Variants in CSMD1 observed in about 807,000 individuals in gnomAD.
The protein encoded by CSMD1 is CUB and Sushi multiple domains 1, also known as CUB and sushi domain-containing protein 1.
A neutral mutation model predicts 417.5 loss-of-function variants in CSMD1; 213 were observed. The observed-to-expected ratio is 0.51, with a 90% confidence interval of 0.46 to 0.57. The LOEUF is 0.57. Ranked by LOEUF, CSMD1 falls within the 20% of genes least tolerant of loss-of-function variation. CSMD1 has a pLI of 0.00. For synonymous variants in CSMD1, 2,862 were observed against 1,736.8 expected, an observed-to-expected ratio of 1.65 and a Z score of -16.11; for missense variants, 6,923 against 4,529.7, an observed-to-expected ratio of 1.53 and a Z score of -15.17.
rs77964899 is a variant in CSMD1, at chr8:4,036,654, G to C, written c.416-4555C>G. On this transcript the variant is annotated intron_variant, in intron 3 of 69. Coordinates refer to ENST00000635120, the MANE Select transcript of CSMD1 (RefSeq NM_033225.6). ...TCAAAGAAAAAACTAGACATCAATG[G>C]AGAGCATGCCTGTTCTTTTCATGAA... 1.9e-4 allele frequency among the ~76,000 whole-genome samples: 29 copies of C among 152,294 alleles called. No homozygotes were observed. In the East Asian group the frequency reaches 5.6e-3, roughly 29 times the overall value.
intron 5 of CSMD1, among the ~76,000 whole-genome samples, chr8:3,911,303 T>TG (rs1296864011): frequency 1.3e-5 from 2 of 151,216 alleles, no homozygotes; most frequent in African/African-American, 4.9e-5. Context: ...CATAGATCCT[T>TG]TTTTTTTTCC....
intron 37 of CSMD1, among the ~76,000 whole-genome samples, chr8:3,176,586 C>A (rs1211168704): frequency 6.6e-6 from 1 of 152,102 alleles, no homozygotes; most frequent in East Asian, 1.9e-4. Flanking sequence ...ATTGTAAAAC[C>A]CCGTGAACTA....
rs759268228 is a variant in CSMD1, at chr8:4,530,314, C to CTTTTTTTTTTTTTTTTTTTTTTT, written c.302+107005_302+107027dup. On this transcript the variant is annotated intron_variant, in intron 2 of 69. Coordinates refer to ENST00000635120, the MANE Select transcript of CSMD1 (RefSeq NM_033225.6). ...TTCACAGTTTATCGTACAGGTAGTG[C>CTTTTTTTTTTTTTTTTTTTTTTT]TTTTTTTTTTTTTTTTTTTTTTTTT... Among the ~76,000 whole-genome samples, 6 of 46,686 alleles carry CTTTTTTTTTTTTTTTTTTTTTTT rather than the reference C, an allele frequency of 1.3e-4. 1 individual carries two copies. Among genetic ancestry groups the CTTTTTTTTTTTTTTTTTTTTTTT allele is most frequent in the East Asian group, 7.4e-4 (1 of 1,350 alleles). The allele number at this position is 46,686 out of a possible 152,430, so 30.6% of individuals were successfully genotyped here.
At chr8:2,992,193 AC>A (rs1267688021) in intron 54 of CSMD1, among the ~76,000 whole-genome samples, 8 of 89,782 alleles carry the variant, frequency 8.9e-5, no homozygotes, top group African/African-American at 8.3e-4. Flanking sequence ...ACACACATGC[AC>A]ACATACATAC....
At chr8:4,610,440 G>A (rs1801110378) in intron 2 of CSMD1, among the ~76,000 whole-genome samples, 1 of 152,144 alleles carries the variant, frequency 6.6e-6, no homozygotes, top group African/African-American at 2.4e-5. Flanking sequence ...TATTTCCAAA[G>A]GGGTCAGGTG....
At chr8:4,012,712 C>G (rs1322913264) in intron 4 of CSMD1, among the ~76,000 whole-genome samples, 1 of 152,182 alleles carries the variant, frequency 6.6e-6, no homozygotes, top group Non-Finnish European at 1.5e-5. Flanking sequence ...CATAGAATGT[C>G]TAAATAGCAA....
At chr8:3,660,511 T>A (rs1798359752) in intron 7 of CSMD1, among the ~76,000 whole-genome samples, 1 of 3,066 alleles carries the variant, frequency 3.3e-4, no homozygotes, top group Non-Finnish European at 9.1e-4. Flanking sequence ...TTTTTTTTTT[T>A]TTTTTTTTTT....
At chr8:4,735,677 C>A (rs1810186862) in intron 1 of CSMD1, among the ~76,000 whole-genome samples, 1 of 152,166 alleles carries the variant, frequency 6.6e-6, no homozygotes, top group Non-Finnish European at 1.5e-5. Flanking sequence ...ATGTGCCAGA[C>A]ACTTATTTGA....
intron 3 of CSMD1, among the ~76,000 whole-genome samples, chr8:4,035,782 T>C (rs1797584658): frequency 6.6e-6 from 1 of 152,150 alleles, no homozygotes; most frequent in Admixed American, 6.5e-5. Flanking sequence ...CTAAGCTTAA[T>C]TTATGATTAA....
intron 5 of CSMD1, among the ~76,000 whole-genome samples, chr8:3,892,998 T>C (rs1009412519): frequency 6.6e-6 from 1 of 151,860 alleles, no homozygotes; most frequent in Non-Finnish European, 1.5e-5. Flanking sequence ...ACAATCATGG[T>C]TCAGTTTTCA....
chr8:4,051,561 C>T (rs1042689692), intron 3 of CSMD1, among the ~76,000 whole-genome samples: 2 of 152,192 alleles, frequency 1.3e-5, no homozygotes, highest in East Asian at 3.9e-4. Context: ...CTCCAACAAT[C>T]AAGCAAACCT....
At chr8:3,453,675 G>C (rs573146983) in intron 12 of CSMD1, among the ~76,000 whole-genome samples, 1 of 152,302 alleles carries the variant, frequency 6.6e-6, no homozygotes. Flanking sequence ...TGGTCTGAGA[G>C]ACAGTTTGTT....
At chr8:4,167,972 AC>A (rs1304444101) in intron 3 of CSMD1, among the ~76,000 whole-genome samples, 1 of 151,976 alleles carries the variant, frequency 6.6e-6, no homozygotes, top group African/African-American at 2.4e-5. Context: ...TACTAAAAAT[AC>A]AAAAAATTAG....
intron 9 of CSMD1, among the ~76,000 whole-genome samples, chr8:3,575,897 G>C (rs1800132359): frequency 6.6e-6 from 1 of 151,582 alleles, no homozygotes; most frequent in African/African-American, 2.4e-5. Context: ...TGTCAGCAGA[G>C]ACTCTGGTTT....
intron 3 of CSMD1, among the ~76,000 whole-genome samples, chr8:4,068,654 A>G (rs1035108246): frequency 1.3e-5 from 2 of 152,214 alleles, no homozygotes; most frequent in Non-Finnish European, 2.9e-5. Context: ...TGAGTTTAAG[A>G]TAAAAAAAAT....
chr8:3,520,988 G>C (rs1037766185), intron 10 of CSMD1, among the ~76,000 whole-genome samples: 5 of 152,038 alleles, frequency 3.3e-5, no homozygotes, highest in African/African-American at 7.2e-5. Flanking sequence ...GCCCATCAAA[G>C]TCAAAGCCCT....
intron 26 of CSMD1, among the ~76,000 whole-genome samples, chr8:3,267,605 G>A (rs1426802122): frequency 6.6e-6 from 1 of 152,162 alleles, no homozygotes; most frequent in African/African-American, 2.4e-5. Flanking sequence ...GGATGGCATC[G>A]CTGCTGATAG....
chr8:4,434,954 T>A (rs1798072487), intron 2 of CSMD1, among the ~76,000 whole-genome samples: 1 of 152,138 alleles, frequency 6.6e-6, no homozygotes, highest in South Asian at 2.1e-4. Context: ...ACCAATTATT[T>A]CCTATAGAAA....
intron 10 of CSMD1, among the ~76,000 whole-genome samples, chr8:3,532,965 T>C (rs1344538539): frequency 6.6e-6 from 1 of 152,214 alleles, no homozygotes; most frequent in Non-Finnish European, 1.5e-5. Flanking sequence ...TAGAGTCTCA[T>C]ACAATCACCT....
Sources: allele counts gnomAD v4.1 joint callset (sites outside exome capture counted in the v4.1 genomes callset), GRCh38; gene constraint gnomAD v4.1.1; transcripts MANE v1.5; gene names NCBI Gene and HGNC (gene_info 2026-07-23, HGNC 2026-07-21).